CTSE: variants seen among roughly 807,000 people sequenced by gnomAD.
CTSE encodes the protein erythrocyte membrane aspartic proteinase.
A neutral mutation model predicts 42.8 loss-of-function variants in CTSE; 43 were observed. That is an observed-to-expected ratio of 1.01 (90% CI 0.79 to 1.30). The LOEUF (loss-of-function observed/expected upper bound fraction) is 1.30, where lower values mean the gene tolerates loss of function less well. CTSE is among the 50% of genes most tolerant of loss of function. The pLI, the probability that CTSE is intolerant of heterozygous loss-of-function variation, is 0.00. For missense variants in CTSE, 532 were observed against 493.5 expected, an observed-to-expected ratio of 1.08 and a Z score of -0.74; for synonymous variants, 205 against 191.5, an observed-to-expected ratio of 1.07 and a Z score of -0.58.
In CTSE at chr1:206,023,846, G is replaced by A; in HGVS notation, c.-55C>T. On this transcript the variant is annotated 5_prime_UTR_variant, in exon 1 of 9. Transcript: ENST00000358184. ...CCCCCTCCTTTCTTCTCTCCCCGAG[G>A]GCAGTGGGAACGGACTTTCCCTAAC... is the stretch of plus-strand genomic sequence containing the variant. The A allele has an allele frequency of 6.3e-7, 1 of 1,581,800 alleles. No homozygotes were observed. The highest frequency in any genetic ancestry group is 8.7e-7 in the Non-Finnish European group (1 of 1,152,262).
At chr1:206,015,553 T>A (rs1027544666) in intron 5 of CTSE, among the ~76,000 whole-genome samples, 1 of 152,118 alleles carries the variant, frequency 6.6e-6, no homozygotes, top group African/African-American at 2.4e-5. Context: ...ATTATTTTAT[T>A]GTCAGCTTTT....
Position 206,022,176 on chromosome 1 carries a change from G to A in CTSE, c.317C>T (p.Ser106Phe), listed in dbSNP as rs377729989. The A allele has an allele frequency of 7.4e-6, 12 of 1,611,562 alleles. No homozygotes were observed. Among genetic ancestry groups the A allele is most frequent in the Non-Finnish European group, 1.0e-5 (12 of 1,178,172 alleles). The stretch of plus-strand genomic sequence containing the variant: ...GCAGGCTGGGCTAGTGCAGTACACA[G>A]AGGGGACCCAGAGGTTGGAGGAGCC... Reference protein sequence around the residue: ...DTGSSNLWVPSVYCTSPACKT... With the variant: ...DTGSSNLWVPFVYCTSPACKT... Residue 106 changes from serine (S) to phenylalanine (F), a missense_variant, in exon 3 of 9, where the codon TCT (serine) becomes TTT (phenylalanine). Coordinates refer to ENST00000358184, the MANE Select transcript of CTSE (RefSeq NM_001910.4).
At position 206,009,873 on chromosome 1, in the gene CTSE, G is replaced by A; in HGVS notation, c.*310C>T. On this transcript the variant is annotated 3_prime_UTR_variant, in exon 9 of 9. Coordinates refer to ENST00000358184, the MANE Select transcript of CTSE (RefSeq NM_001910.4). ...TACCATGATCTCTGCTTGTGCATAT[G>A]TTTGGAGATTTTCATAATCAAATGT... is the stretch of plus-strand genomic sequence containing the variant. 2.6e-6 allele frequency: 1 copy of A among 380,634 alleles called. No homozygotes were observed. 23.6% of individuals were successfully genotyped at this position (380,634 alleles called of 1,614,324 possible).
In CTSE at chr1:206,013,912, C is replaced by A. The variant is rs372006316; in HGVS notation, c.663-18G>T. 60 of 1,613,034 alleles carry A rather than the reference C, an allele frequency of 3.7e-5. No individual in the cohort carries two copies. The African/African-American group carries it at 7.6e-4, about 20-fold the overall frequency. ...CTGGGTTACTACATGGAGAGAAAGA[C>A]AAACTGTCCAGGAAGGGCCACTGCA... is the stretch of plus-strand genomic sequence containing the variant. On this transcript the variant is annotated intron_variant, in intron 5 of 8. Transcript: ENST00000358184.
intron 4 of CTSE, among the ~76,000 whole-genome samples, chr1:206,019,049 C>T (rs1661335703): frequency 6.6e-6 from 1 of 152,034 alleles, no homozygotes; most frequent in Admixed American, 6.6e-5. Context: ...GCTAAATGGT[C>T]CCTTTAAGGG....
At chr1:206,022,418 A>G in intron 2 of CTSE, 151 bp from the exon 3 acceptor site, 1 of 578,952 alleles carries the variant, frequency 1.7e-6, no homozygotes, top group Non-Finnish European at 3.1e-6. Context: ...ACGCTGGAAA[A>G]TAAAAGGTAA....
chr1:206,012,264 T>C (rs782783246), intron 8 of CTSE, 44 bp downstream of exon 8: 2 of 1,501,948 alleles, frequency 1.3e-6, no homozygotes, highest in Admixed American at 1.7e-5. Context: ...GGCAGGCATG[T>C]GGGGAGGGCC....
At position 206,013,912 on chromosome 1, in the gene CTSE, C is replaced by T. The variant is rs372006316; in HGVS notation, c.663-18G>A. 4 of 1,612,918 alleles carry T rather than the reference C, an allele frequency of 2.5e-6. No individual in the cohort carries two copies. The highest frequency in any genetic ancestry group is 1.3e-5 in the African/African-American group (1 of 74,904). ...CTGGGTTACTACATGGAGAGAAAGA[C>T]AAACTGTCCAGGAAGGGCCACTGCA... On this transcript the variant is annotated intron_variant, in intron 5 of 8. Transcript: ENST00000358184.
At position 206,012,559 on chromosome 1, in the gene CTSE, G is replaced by T; in HGVS notation, c.876C>A (p.Asp292Glu). Residue 292 changes from aspartate (D) to glutamate (E), a missense_variant, in exon 7 of 9, where the codon GAC (aspartate) becomes GAA (glutamate). Transcript: ENST00000358184. ...TGGCGTTTTGCAGCTGCTTAATCTT[G>T]TCGGAAGGGCCAGTGATGAGGGAAG... ...TGTSLITGPS[D>E]KIKQLQNAIG... The T allele has an allele frequency of 6.2e-7, 1 of 1,614,024 alleles. No individual in the cohort carries two copies. Among genetic ancestry groups the T allele is most frequent in the Non-Finnish European group, 8.5e-7 (1 of 1,179,964 alleles).
At position 206,022,179 on chromosome 1, in the gene CTSE, G is replaced by A. The variant is rs782257871; in HGVS notation, c.314C>T (p.Pro105Leu). 5 of 1,612,016 alleles carry A rather than the reference G, an allele frequency of 3.1e-6. No individual in the cohort carries two copies. Among genetic ancestry groups the A allele is most frequent in the Admixed American group, 1.7e-5 (1 of 59,958 alleles). Residue 105 changes from proline (P) to leucine (L), a missense_variant, in exon 3 of 9, where the codon CCC becomes CTC. Physicochemically the swap from Pro to Leu is moderately conservative, Grantham distance 98 (BLOSUM62 -3). Coordinates refer to ENST00000358184, the MANE Select transcript of CTSE (RefSeq NM_001910.4). ...FDTGSSNLWV[P>L]SVYCTSPACK... ...GGCTGGGCTAGTGCAGTACACAGAG[G>A]GGACCCAGAGGTTGGAGGAGCCAGT...
At chr1:206,010,483 G>A in intron 8 of CTSE, 136 bp from the exon 9 acceptor site, 2 of 737,344 alleles carry the variant, frequency 2.7e-6, no homozygotes, top group Non-Finnish European at 4.9e-6. Context: ...ATTTTGGTCG[G>A]TGGGTTCTTC....
Position 206,022,384 on chromosome 1 carries a change from GTTTACAGA to G in CTSE, c.226-125_226-118del, listed in dbSNP as rs1558155784. On this transcript the variant is annotated intron_variant, in intron 2 of 8. Coordinates refer to ENST00000358184, the MANE Select transcript of CTSE (RefSeq NM_001910.4). Reference sequence around the variant, plus strand: ...AGAGCCTGGGGTAATACAGACTGGAGTTTACAGAGCCTAGGAAGTGGCAACGCTGGAAA... The same window carrying G: ...AGAGCCTGGGGTAATACAGACTGGAGGCCTAGGAAGTGGCAACGCTGGAAA... The G allele has an allele frequency of 6.0e-6, 4 of 663,116 alleles. 1 individual carries two copies. The highest frequency in any genetic ancestry group is 3.6e-5 in the African/African-American group (2 of 55,128). 41.1% of individuals were successfully genotyped at this position (663,116 alleles called of 1,614,324 possible). A position where few individuals can be genotyped will look rare whatever the true frequency, so the allele number is the denominator to read the frequency against.
In CTSE at chr1:206,013,843, G is replaced by C; in HGVS notation, c.714C>G (p.His238Gln). 6.2e-7 allele frequency: 1 copy of C among 1,613,812 alleles called. No homozygotes were observed. Among genetic ancestry groups the C allele is most frequent in the Non-Finnish European group, 8.5e-7 (1 of 1,179,826 alleles). ...GSELIFGGYD[H>Q]SHFSGSLNWV... is the part of the protein sequence containing the mutation. ...AATTCAGGCTCCCAGAGAAATGGGA[G>C]TGGTCGTAGCCTCCAAAAATCAGCT... Residue 238 changes from histidine (H) to glutamine (Q), a missense_variant, in exon 6 of 9, where the codon CAC becomes CAG. Coordinates refer to ENST00000358184, the MANE Select transcript of CTSE (RefSeq NM_001910.4).
intron 2 of CTSE, 111 bp from the exon 3 acceptor site, chr1:206,022,378 A>C (rs1661465576): frequency 4.4e-6 from 3 of 679,304 alleles, no homozygotes; most frequent in Non-Finnish European, 7.7e-6. Flanking sequence ...GGTAATACAG[A>C]CTGGAGTTTA....
At chr1:206,021,539 C>T (rs1280870321) in intron 3 of CTSE, among the ~76,000 whole-genome samples, 3 of 152,082 alleles carry the variant, frequency 2.0e-5, no homozygotes, top group Non-Finnish European at 4.4e-5. Flanking sequence ...TTACTCCCAA[C>T]TTTTCTCCCA....
intron 4 of CTSE, among the ~76,000 whole-genome samples, chr1:206,020,137 T>C (rs1283115206): frequency 6.8e-6 from 1 of 147,464 alleles, no homozygotes; most frequent in African/African-American, 2.5e-5. Context: ...ATATTATATA[T>C]ACAAATATAC....
intron 8 of CTSE, among the ~76,000 whole-genome samples, chr1:206,012,048 T>C (rs1028806685): frequency 6.6e-6 from 1 of 152,116 alleles, no homozygotes; most frequent in Non-Finnish European, 1.5e-5. Flanking sequence ...AAGCCCTACA[T>C]GGCAATATCA....
rs782325712 is a variant in CTSE at position 206,010,118 on chromosome 1, A to T, written c.*65T>A. The T allele has an allele frequency of 3.8e-6, 6 of 1,599,260 alleles. No individual in the cohort carries two copies. The highest frequency in any genetic ancestry group is 2.7e-5 in the African/African-American group (2 of 74,578). ...GGAAAATAACTTTTTGTAGGTGTAAAGAATGCCCCAGCCTAACATATTCAA... is the reference window on the plus strand; with the variant it reads ...GGAAAATAACTTTTTGTAGGTGTAATGAATGCCCCAGCCTAACATATTCAA... On this transcript the variant is annotated 3_prime_UTR_variant, in exon 9 of 9. Transcript: ENST00000358184.
chr1:206,010,633 C>T (rs1286930485), intron 8 of CTSE, among the ~76,000 whole-genome samples: 2 of 152,068 alleles, frequency 1.3e-5, no homozygotes, highest in Non-Finnish European at 2.9e-5. Flanking sequence ...CCCCTGTCAC[C>T]ATCATTTTAC....
Sources: gnomAD v4.1 joint callset for allele counts (sites outside exome capture counted in the v4.1 genomes callset) on GRCh38, gnomAD v4.1.1 for gene constraint, MANE v1.5 for transcripts, NCBI Gene and HGNC (gene_info 2026-07-23, HGNC 2026-07-21) for gene names.